CLUL1: variants seen among roughly 807,000 people sequenced by gnomAD.
CLUL1 encodes the protein clusterin-like protein 1.
In CLUL1, 43 loss-of-function variants were observed where a neutral mutation model predicts 49.4. That is an observed-to-expected ratio of 0.87 (90% confidence interval 0.68 to 1.12). The LOEUF (loss-of-function observed/expected upper bound fraction) is 1.12, where lower values mean the gene tolerates loss of function less well. CLUL1 is among the 50% of genes most tolerant of loss of function. The pLI is 0.00. For missense variants in CLUL1, 486 were observed against 544.4 expected (o/e 0.89, Z 1.07); for synonymous variants, 192 against 184.9 (o/e 1.04, Z -0.31).
At chr18:641,197 G>A (rs182338188) in intron 7 of CLUL1, 130 bp from the exon 8 acceptor site, 279 of 664,632 alleles carry the variant, frequency 4.2e-4, no homozygotes, top group Non-Finnish European at 6.2e-4. Flanking sequence ...CAGAACAACA[G>A]GCATAACTAA....
intron 6 of CLUL1, among the ~76,000 whole-genome samples, chr18:629,738 T>A (rs776652702): frequency 1.3e-5 from 2 of 152,216 alleles, no homozygotes; most frequent in Non-Finnish European, 2.9e-5. Flanking sequence ...TGTTACACTA[T>A]TGTACTCTTC....
intron 1 of CLUL1, among the ~76,000 whole-genome samples, chr18:603,099 T>C (rs1174055347): frequency 6.6e-6 from 1 of 152,206 alleles, no homozygotes; most frequent in African/African-American, 2.4e-5. Context: ...GATTTAAGTA[T>C]GGGTATACCA....
chr18:628,555 A>T (rs1330174126), intron 6 of CLUL1, among the ~76,000 whole-genome samples: 2 of 151,740 alleles, frequency 1.3e-5, no homozygotes. Context: ...CACTGTATTG[A>T]CCCCTAAGCC....
chr18:630,338 A>G (rs1046895101), intron 6 of CLUL1, among the ~76,000 whole-genome samples: 2 of 152,022 alleles, frequency 1.3e-5, no homozygotes, highest in Non-Finnish European at 2.9e-5. Context: ...CGAACTTCTG[A>G]CCTCAAATGA....
At position 641,344 on chromosome 18, in the gene CLUL1, G is replaced by T. The variant is rs757712561; in HGVS notation, c.1012G>T (p.Ala338Ser). The change falls in exon 8 of 10, where the codon GCT (alanine) becomes TCT (serine). Residue 338 changes from alanine (A) to serine (S), a missense_variant. Transcript: ENST00000692774. ...TCTGCTAGACTGTCCTGATGTACCT[G>T]CTCTGCACACAGAATTAGACGAGGC... ...HLSEDCPDVP[A>S]LHTELDEAIR... 1.9e-6 allele frequency: 3 copies of T among 1,614,136 alleles called. No homozygotes were observed. The Admixed American group carries it at 5.0e-5, about 27-fold the overall frequency.
Position 625,034 on chromosome 18 carries a change from T to C in CLUL1, c.423+2T>C. ...AGCTGGTCCTCTGTGAAAAATAAGG[T>C]AAGAGAAAAAGAGAGCTCAAGATTT... On this transcript the variant is annotated splice_donor_variant, in intron 5 of 9. Coordinates refer to ENST00000692774, the MANE Select transcript of CLUL1 (RefSeq NM_001393344.1). LOFTEE classifies it high-confidence loss of function. The C allele has an allele frequency of 6.2e-7, 1 of 1,613,490 alleles. No individual in the cohort carries two copies. The highest frequency in any genetic ancestry group is 8.5e-7 in the Non-Finnish European group (1 of 1,179,794).
chr18:611,087 C>T (rs1326022488), intron 2 of CLUL1, among the ~76,000 whole-genome samples: 1 of 152,036 alleles, frequency 6.6e-6, no homozygotes, highest in African/African-American at 2.4e-5. Context: ...TCCTCCTGGT[C>T]TCCCTCACAC....
At chr18:645,810 A>AAAAAAAAATAT (rs1451607900) in intron 9 of CLUL1, among the ~76,000 whole-genome samples, 4 of 29,868 alleles carry the variant, frequency 1.3e-4, no homozygotes, top group African/African-American at 2.8e-4. Flanking sequence ...AAAAAAAAAA[A>AAAAAAAAATAT]ATATATATAT....
intron 5 of CLUL1, among the ~76,000 whole-genome samples, chr18:626,879 GAA>G (rs373138489): frequency 0.01 from 2 of 194 alleles, no homozygotes; most frequent in Non-Finnish European, 0.071. Flanking sequence ...AAGAAAGAAA[GAA>G]AGAAAGAAAG....
intron 6 of CLUL1, among the ~76,000 whole-genome samples, chr18:632,361 T>C (rs369003316): frequency 1.3e-5 from 2 of 151,642 alleles, no homozygotes; most frequent in Non-Finnish European, 2.9e-5. Context: ...TGTGTATATA[T>C]ACATATATAT....
chr18:639,301 C>T (rs1344082295), intron 7 of CLUL1, among the ~76,000 whole-genome samples: 3 of 151,250 alleles, frequency 2.0e-5, no homozygotes, highest in South Asian at 2.1e-4. Flanking sequence ...CATGGTGGCG[C>T]GTGCCTGTAA....
chr18:598,974 A>G (rs2072740488), intron 1 of CLUL1, among the ~76,000 whole-genome samples: 1 of 152,228 alleles, frequency 6.6e-6, no homozygotes. Context: ...AGAGATTGAA[A>G]TATGTGAGCA....
At chr18:632,920 C>G (rs1357025204) in intron 6 of CLUL1, among the ~76,000 whole-genome samples, 1 of 151,984 alleles carries the variant, frequency 6.6e-6, no homozygotes, top group Non-Finnish European at 1.5e-5. Flanking sequence ...TTTGGGAGGC[C>G]GAGGCGGGTG....
At chr18:628,879 C>CCG (rs1461126084) in intron 6 of CLUL1, among the ~76,000 whole-genome samples, 2 of 152,068 alleles carry the variant, frequency 1.3e-5, no homozygotes, top group Non-Finnish European at 2.9e-5. Context: ...GTGATCTGCT[C>CCG]ACCTTGGCTT....
rs1309393236 is a variant in CLUL1 at position 606,185 on chromosome 18, C to G, written c.-135-793C>G. Among the ~76,000 whole-genome samples the G allele has an allele frequency of 6.6e-6, 1 of 152,182 alleles. No individual in the cohort carries two copies. Among genetic ancestry groups the G allele is most frequent in the Non-Finnish European group, 1.5e-5 (1 of 68,038 alleles). ...TCTGGCTGGGAACGGCTTCCCCATG[C>G]TCCTAGGTCAGGGTCCTCTCTTGGC... On this transcript the variant is annotated intron_variant, in intron 1 of 9. Transcript: ENST00000692774. This position sits in a 1 kb window ranked among gnomAD's most constrained non-coding sequence, Gnocchi z 4.1.
At chr18:620,399 T>C (rs2073454124) in intron 4 of CLUL1, among the ~76,000 whole-genome samples, 1 of 152,112 alleles carries the variant, frequency 6.6e-6, no homozygotes. Flanking sequence ...TTAAGCCTCC[T>C]GTCCATTTAG....
rs35329822 is a variant in CLUL1, at chr18:645,810, AATATAT to A, written c.1397+750_1397+755del. ...CTCTGTTTAAAAAAAAAAAAAAAAA[AATATAT>A]ATATATATATATATATATATATATA... On this transcript the variant is annotated intron_variant, in intron 9 of 9. Coordinates refer to ENST00000692774, the MANE Select transcript of CLUL1 (RefSeq NM_001393344.1). Among the ~76,000 whole-genome samples the A allele has an allele frequency of 7.5e-3, 223 of 29,762 alleles. 11 individuals carry two copies. The highest frequency in any genetic ancestry group is 8.6e-3 in the Non-Finnish European group (146 of 17,072). The allele number at this position is 29,762 out of a possible 152,430, so 19.5% of individuals were successfully genotyped here.
At chr18:599,853 C>G (rs572378770) in intron 1 of CLUL1, among the ~76,000 whole-genome samples, 14 of 151,254 alleles carry the variant, frequency 9.3e-5, no homozygotes, top group African/African-American at 3.2e-4. Context: ...GAGGCTGAGG[C>G]AGGAGAATGG....
intron 6 of CLUL1, among the ~76,000 whole-genome samples, chr18:629,221 G>A (rs1445294899): frequency 6.6e-6 from 1 of 152,108 alleles, no homozygotes; most frequent in East Asian, 1.9e-4. Context: ...ATTTGGTCTG[G>A]TAGTCCATTC....
Sources: allele counts gnomAD v4.1 joint callset (sites outside exome capture counted in the v4.1 genomes callset), GRCh38; gene constraint gnomAD v4.1.1; non-coding constraint Gnocchi (gnomAD v3.1); transcripts MANE v1.5; gene names NCBI Gene and HGNC (gene_info 2026-07-23, HGNC 2026-07-21).